XDH: variants seen among roughly 807,000 people sequenced by gnomAD.
The protein encoded by XDH is xanthine dehydrogenase.
XDH carries 138 observed loss-of-function variants against 156.1 expected under a neutral mutation model. The observed-to-expected ratio is 0.88, with a 90% confidence interval of 0.77 to 1.02. The LOEUF (loss-of-function observed/expected upper bound fraction) is 1.02. Among genes scored for constraint, XDH ranks in the 50% least tolerant of loss-of-function variants. The pLI is 0.00. For missense variants in XDH, 1,849 were observed against 1,684.9 expected, an observed-to-expected ratio of 1.10 and a Z score of -1.71; for synonymous variants, 669 against 625.7, an observed-to-expected ratio of 1.07 and a Z score of -1.03.
intron 14 of XDH, among the ~76,000 whole-genome samples, 165 bp downstream of exon 14, chr2:31,376,888 T>C (rs1272784929): frequency 6.6e-6 from 1 of 150,804 alleles, no homozygotes; most frequent in African/African-American, 2.4e-5. Context: ...ACTGTGGTTA[T>C]AGTAGAAGTA....
At chr2:31,412,955 T>C (rs1003106083) in intron 1 of XDH, among the ~76,000 whole-genome samples, 2 of 152,188 alleles carry the variant, frequency 1.3e-5, no homozygotes, top group African/African-American at 4.8e-5. Flanking sequence ...GATGGTACCA[T>C]CGAAAAATTT....
In XDH at chr2:31,383,126, G is replaced by C; in HGVS notation, c.913C>G (p.Leu305Val). Residue 305 changes from leucine to valine, a missense_variant, in exon 11 of 36, where the codon CTG becomes GTG. Coordinates refer to ENST00000379416, the MANE Select transcript of XDH (RefSeq NM_000379.4). ...ACCAGGGTTTTTTCCACAATGCTCA[G>C]GGGGCAAGCAGCTCCAAAGGAGATA... ...DGISFGAACP[L>V]SIVEKTLVDA... The C allele has an allele frequency of 3.1e-6, 5 of 1,614,200 alleles. No homozygotes were observed. Among genetic ancestry groups the C allele is most frequent in the Non-Finnish European group, 4.2e-6 (5 of 1,180,032 alleles).
At chr2:31,355,511 T>C (rs1275981695) in intron 24 of XDH, among the ~76,000 whole-genome samples, 1 of 152,002 alleles carries the variant, frequency 6.6e-6, no homozygotes, top group South Asian at 2.1e-4. Flanking sequence ...GGCAGAGTCA[T>C]AAAGGGAGGT....
In XDH at chr2:31,339,597, G is replaced by C. The variant is rs1375453823; in HGVS notation, c.3666C>G (p.Thr1222=). The change falls in exon 34 of 36, where the codon ACC becomes ACG. Residue 1222 remains threonine, a synonymous_variant. Coordinates refer to ENST00000379416, the MANE Select transcript of XDH (RefSeq NM_000379.4). ...LHYSPEGSLH[T]RGPSTYKIPA... The stretch of plus-strand genomic sequence containing the variant: ...GGATCTTGTAGGTGCTAGGGCCACG[G>C]GTGTGCAGGCTCCCCTCGGGGGAAT... 1 of 1,614,196 alleles carries C rather than the reference G, an allele frequency of 6.2e-7. No individual in the cohort carries two copies. Among genetic ancestry groups the C allele is most frequent in the Non-Finnish European group, 8.5e-7 (1 of 1,180,036 alleles).
Position 31,375,595 on chromosome 2 carries a change from C to T in XDH, c.1428-41G>A, listed in dbSNP as rs1686224626. On this transcript the variant is annotated intron_variant, in intron 14 of 35. Coordinates refer to ENST00000379416, the MANE Select transcript of XDH (RefSeq NM_000379.4). ...GCGTGGGACAGCGCTCCCGCCCAGC[C>T]CTCCAGACCCCTTTGTGTAGAGCTG... 1.9e-6 allele frequency: 3 copies of T among 1,600,982 alleles called. No individual in the cohort carries two copies. In the African/African-American group the frequency reaches 4.0e-5, roughly 21 times the overall value.
chr2:31,354,839 A>G (rs943197624), intron 24 of XDH, among the ~76,000 whole-genome samples: 1 of 152,222 alleles, frequency 6.6e-6, no homozygotes, highest in African/African-American at 2.4e-5. Context: ...CTGGAAGAAA[A>G]GGAGAAAAAG....
Position 31,349,675 on chromosome 2 carries a change from C to T in XDH, c.2969+11G>A, listed in dbSNP as rs1439727851. The T allele has an allele frequency of 6.2e-7, 1 of 1,613,820 alleles. No homozygotes were observed. Among genetic ancestry groups the T allele is most frequent in the Non-Finnish European group, 8.5e-7 (1 of 1,180,044 alleles). On this transcript the variant is annotated intron_variant, in intron 26 of 35. Transcript: ENST00000379416. ...CAGAAGAGCAACTGGACTTCTACTC[C>T]TAGTGCTTACTTGTTGAACTTGTCA... is the stretch of plus-strand genomic sequence containing the variant.
chr2:31,377,181 C>T lies in XDH; in HGVS notation c.1299G>A (p.Lys433=). Residue 433 remains lysine (K), a synonymous_variant, in exon 14 of 36, where the codon AAG becomes AAA. Transcript: ENST00000379416. ...QASRREDDIA[K]VTSGMRVLFK... ...ATAAAACTCTCATGCCACTGGTTAC[C>T]TTGGCAATGTCATCTTCTCTCCGGG... 6.2e-7 allele frequency: 1 copy of T among 1,614,112 alleles called. No homozygotes were observed. Among genetic ancestry groups the T allele is most frequent in the South Asian group, 1.1e-5 (1 of 91,082 alleles).
Position 31,398,674 on chromosome 2 carries a change from G to T in XDH, c.332C>A (p.Ser111Tyr), listed in dbSNP as rs777220956. 1 of 1,614,014 alleles carries T rather than the reference G, an allele frequency of 6.2e-7. No individual in the cohort carries two copies. Among genetic ancestry groups the T allele is most frequent in the East Asian group, 2.2e-5 (1 of 44,886 alleles). ...GCCAGGGGTGCAGAACCCGCACTGG[G>T]AGCCGTGGCTTTTGGCAATTCTCTC... ...VQERIAKSHG[S>Y]QCGFCTPGIV... The change falls in exon 5 of 36, where the codon TCC (serine) becomes TAC (tyrosine). Residue 111 changes from serine (S) to tyrosine (Y), a missense_variant. Physicochemically the swap from Ser to Tyr is moderately radical, Grantham distance 144 (BLOSUM62 -2). Transcript: ENST00000379416.
intron 3 of XDH, among the ~76,000 whole-genome samples, chr2:31,402,653 A>G (rs1687093294): frequency 6.6e-6 from 1 of 152,126 alleles, no homozygotes; most frequent in Non-Finnish European, 1.5e-5. Flanking sequence ...TTGGTATTTC[A>G]CAATTATCTC....
Position 31,347,527 on chromosome 2 carries a change from C to G in XDH, c.3271G>C (p.Val1091Leu), listed in dbSNP as rs45619033. ...SVSADLNGQA[V>L]YAACQTILKR... The stretch of plus-strand genomic sequence containing the variant: ...GGATCCCATGGGCTCCTTACATAGA[C>G]GGCCTGTCCATTGAGGTCAGCGCTG... Residue 1091 changes from valine (V) to leucine (L), a missense_variant, in exon 29 of 36, where the codon GTC becomes CTC. Val to Leu is a conservative substitution (Grantham distance 32). Coordinates refer to ENST00000379416, the MANE Select transcript of XDH (RefSeq NM_000379.4). 921 of 1,613,886 alleles carry G rather than the reference C, an allele frequency of 5.7e-4. 2 individuals carry two copies. The African/African-American group carries it at 0.011, about 20-fold the overall frequency.
chr2:31,396,924 T>G (rs1380738068), intron 6 of XDH, among the ~76,000 whole-genome samples: 1 of 152,102 alleles, frequency 6.6e-6, no homozygotes, highest in Non-Finnish European at 1.5e-5. Context: ...GCTCCAACCC[T>G]AAAGGTGAGT....
chr2:31,348,170 A>G, intron 28 of XDH, 98 bp downstream of exon 28: 1 of 1,239,480 alleles, frequency 8.1e-7, no homozygotes, highest in Non-Finnish European at 1.2e-6. Context: ...CCAGGGCCAG[A>G]CCCCGGGCCT....
At chr2:31,373,554 T>A (rs1686137960) in intron 16 of XDH, among the ~76,000 whole-genome samples, 1 of 152,052 alleles carries the variant, frequency 6.6e-6, no homozygotes, top group East Asian at 1.9e-4. Context: ...TGTTTGTTTG[T>A]TTGTTTGTTT....
Position 31,386,505 on chromosome 2 carries a change from C to G in XDH, c.702G>C (p.Val234=), listed in dbSNP as rs755972186. 1.2e-6 allele frequency: 2 copies of G among 1,614,166 alleles called. No individual in the cohort carries two copies. Among genetic ancestry groups the G allele is most frequent in the East Asian group, 2.2e-5 (1 of 44,888 alleles). ...TGAGGGTTGAGGCCTGTATCCACGT[C>G]ACACGCTCCCCTTCAAATCGCAGCT... ...RKQLRFEGER[V]TWIQASTLKE... Residue 234 remains valine, a synonymous_variant, in exon 9 of 36, where the codon GTG becomes GTC. Coordinates refer to ENST00000379416, the MANE Select transcript of XDH (RefSeq NM_000379.4).
intron 16 of XDH, among the ~76,000 whole-genome samples, chr2:31,373,268 G>A (rs1430718445): frequency 6.6e-6 from 1 of 152,156 alleles, no homozygotes; most frequent in Non-Finnish European, 1.5e-5. Flanking sequence ...TTCATGCCTG[G>A]GACGACTACA....
In XDH at chr2:31,397,677, G is replaced by T. The variant is rs1686947062; in HGVS notation, c.486C>A (p.Thr162=). The T allele has an allele frequency of 1.2e-6, 2 of 1,614,086 alleles. No individual in the cohort carries two copies. Among genetic ancestry groups the T allele is most frequent in the African/African-American group, 1.3e-5 (1 of 74,918 alleles). The change falls in exon 6 of 36, where the codon ACC becomes ACA. Residue 162 remains threonine, a synonymous_variant. Coordinates refer to ENST00000379416, the MANE Select transcript of XDH (RefSeq NM_000379.4). Reference sequence around the variant, plus strand: ...TGGGGTCCCCACTTACCCTGGCAAAGGTCCGGAAGCCCTGGAGGATGGGTC... The same window carrying T: ...TGGGGTCCCCACTTACCCTGGCAAATGTCCGGAAGCCCTGGAGGATGGGTC... ...GYRPILQGFR[T]FARDGGCCGG... is the part of the protein sequence containing the mutation.
At chr2:31,369,062 G>A (rs1171978854) in intron 18 of XDH, among the ~76,000 whole-genome samples, 1 of 152,118 alleles carries the variant, frequency 6.6e-6, no homozygotes, top group African/African-American at 2.4e-5. Flanking sequence ...AGTTACTATT[G>A]ACAGATCATG....
At chr2:31,376,680 G>A in intron 14 of XDH, among the ~76,000 whole-genome samples, 1 of 149,860 alleles carries the variant, frequency 6.7e-6, no homozygotes, top group East Asian at 1.9e-4. Context: ...GATAGTAGTA[G>A]CAACAGTAGT....
Sources: allele counts gnomAD v4.1 joint callset (sites outside exome capture counted in the v4.1 genomes callset), GRCh38; gene constraint gnomAD v4.1.1; transcripts MANE v1.5; gene names NCBI Gene and HGNC (gene_info 2026-07-23, HGNC 2026-07-21).